SLC35D4: variants seen among roughly 807,000 people sequenced by gnomAD.
The protein encoded by SLC35D4 is solute carrier family 35 member D4.
the SLC35D4 span, among the ~76,000 whole-genome samples, chr18:23,267,178 G>A: frequency 6.6e-6 from 1 of 152,232 alleles, no homozygotes; most frequent in Non-Finnish European, 1.5e-5. Context: ...ACCGGGGGCA[G>A]TTTTGTGAGA....
At chr18:23,392,792 A>C in the SLC35D4 span, among the ~76,000 whole-genome samples, 1 of 152,212 alleles carries the variant, frequency 6.6e-6, no homozygotes, top group Non-Finnish European at 1.5e-5. Flanking sequence ...ATTCAGTTAA[A>C]CTAAATATGC....
the SLC35D4 span, among the ~76,000 whole-genome samples, chr18:23,249,785 A>G: frequency 6.6e-6 from 1 of 151,702 alleles, no homozygotes; most frequent in African/African-American, 2.4e-5. Context: ...ACTGCTAGCG[A>G]TCTTCTCGGA....
the SLC35D4 span, among the ~76,000 whole-genome samples, chr18:23,323,592 T>C: frequency 6.6e-6 from 1 of 152,244 alleles, no homozygotes; most frequent in Non-Finnish European, 1.5e-5. Context: ...GCACAATACA[T>C]TTACATAAAC....
At chr18:23,242,326 C>T in the SLC35D4 span, among the ~76,000 whole-genome samples, 2 of 152,038 alleles carry the variant, frequency 1.3e-5, no homozygotes, top group African/African-American at 4.8e-5. Context: ...TGCAGCTGGC[C>T]CGGTGGTTTG....
At chr18:23,306,433 A>C in the SLC35D4 span, among the ~76,000 whole-genome samples, 3 of 151,740 alleles carry the variant, frequency 2.0e-5, no homozygotes, top group Admixed American at 1.3e-4. Context: ...CAGCCTCCCT[A>C]GTAGCTGGGA....
the SLC35D4 span, among the ~76,000 whole-genome samples, chr18:23,418,112 A>T: frequency 6.6e-6 from 1 of 152,170 alleles, no homozygotes; most frequent in Non-Finnish European, 1.5e-5. Context: ...AATCCCAAAA[A>T]TATCTTTATT....
chr18:23,252,200 G>T, the SLC35D4 span, among the ~76,000 whole-genome samples: 45 of 152,350 alleles, frequency 3.0e-4, no homozygotes, highest in Middle Eastern at 3.4e-3. Flanking sequence ...AGTAGTGGTT[G>T]CCAGGAGCTG....
chr18:23,359,245 C>T, the SLC35D4 span, among the ~76,000 whole-genome samples: 1 of 151,932 alleles, frequency 6.6e-6, no homozygotes, highest in African/African-American at 2.4e-5. Flanking sequence ...ATTAGCTGGG[C>T]GTGGTGGCGG....
At chr18:23,368,100 A>G in the SLC35D4 span, among the ~76,000 whole-genome samples, 2 of 152,198 alleles carry the variant, frequency 1.3e-5, no homozygotes, top group East Asian at 3.8e-4. Context: ...ACACCTTCAG[A>G]ATAACCTGAA....
At chr18:23,252,013 G>A in the SLC35D4 span, among the ~76,000 whole-genome samples, 1 of 151,792 alleles carries the variant, frequency 6.6e-6, no homozygotes, top group Non-Finnish European at 1.5e-5. Flanking sequence ...TTGAACCCGG[G>A]AGGCGGAGGT....
At chr18:23,361,309 C>T in the SLC35D4 span, among the ~76,000 whole-genome samples, 1 of 151,954 alleles carries the variant, frequency 6.6e-6, no homozygotes, top group Non-Finnish European at 1.5e-5. Flanking sequence ...CACACTCAGG[C>T]CCCACTGCAG....
At chr18:23,253,452 C>T in the SLC35D4 span, among the ~76,000 whole-genome samples, 2 of 152,196 alleles carry the variant, frequency 1.3e-5, no homozygotes, top group Admixed American at 1.3e-4. Context: ...CACTGCACTC[C>T]AGCCTGGAAA....
the SLC35D4 span, among the ~76,000 whole-genome samples, chr18:23,421,734 T>C: frequency 6.7e-6 from 1 of 148,774 alleles, no homozygotes; most frequent in Non-Finnish European, 1.5e-5. Flanking sequence ...TGGAGTGCAA[T>C]GTTGCAATCT....
the SLC35D4 span, among the ~76,000 whole-genome samples, chr18:23,387,110 C>G: frequency 2.0e-5 from 3 of 152,118 alleles, no homozygotes; most frequent in Non-Finnish European, 4.4e-5. Context: ...CGGGGTTTCA[C>G]CATGTTGGCC....
the SLC35D4 span, among the ~76,000 whole-genome samples, chr18:23,321,929 G>A: frequency 1.9e-3 from 283 of 152,322 alleles, 2 homozygotes; most frequent in African/African-American, 6.4e-3. Context: ...CAGGGTTTCA[G>A]ATAAAATGTA....
chr18:23,283,263 G>A, the SLC35D4 span, among the ~76,000 whole-genome samples: 4 of 151,950 alleles, frequency 2.6e-5, no homozygotes, highest in Admixed American at 2.0e-4. Flanking sequence ...AACGTGGGAG[G>A]ATTGCTTGAG....
At chr18:23,294,613 G>T in the SLC35D4 span, among the ~76,000 whole-genome samples, 2 of 152,108 alleles carry the variant, frequency 1.3e-5, no homozygotes, top group Non-Finnish European at 2.9e-5. Flanking sequence ...TAAAAAATTA[G>T]CTGGGTGGAG....
At chr18:23,395,953 T>C in the SLC35D4 span, among the ~76,000 whole-genome samples, 1 of 152,214 alleles carries the variant, frequency 6.6e-6, no homozygotes, top group Non-Finnish European at 1.5e-5. Flanking sequence ...GAGCTGTGTG[T>C]CTTTCACTCC....
chr18:23,240,557 A>G, the SLC35D4 span, among the ~76,000 whole-genome samples: 1 of 152,234 alleles, frequency 6.6e-6, no homozygotes, highest in South Asian at 2.1e-4. Context: ...TAGTGTGAGG[A>G]TCTCTGCCCA....
Sources: allele counts gnomAD v4.1 joint callset (sites outside exome capture counted in the v4.1 genomes callset), GRCh38; gene constraint gnomAD v4.1.1; transcripts MANE v1.5; gene names NCBI Gene and HGNC (gene_info 2026-07-23, HGNC 2026-07-21).